FUT8: variants seen among roughly 807,000 people sequenced by gnomAD.
The protein encoded by FUT8 is alpha-(1,6)-fucosyltransferase.
In FUT8, 29 loss-of-function variants were observed where a neutral mutation model predicts 71.3. The observed-to-expected ratio is 0.41, with a 90% CI of 0.30 to 0.55. The LOEUF (loss-of-function observed/expected upper bound fraction) is 0.55, where lower values mean the gene tolerates loss of function less well. Among genes scored for constraint, FUT8 ranks in the 20% least tolerant of loss-of-function variants. The pLI, the probability that FUT8 is intolerant of heterozygous loss-of-function variation, is 0.34. For missense variants in FUT8, 544 were observed against 702.1 expected (o/e 0.77, Z 2.55); for synonymous variants, 254 against 239.3 (o/e 1.06, Z -0.57).
the FUT8 span, among the ~76,000 whole-genome samples, chr14:65,371,807 C>A: frequency 3.9e-5 from 6 of 152,242 alleles, no homozygotes; most frequent in East Asian, 1.2e-3. Flanking sequence ...CCCTAGTGAA[C>A]AATTAAGTTT....
the FUT8 span, among the ~76,000 whole-genome samples, chr14:65,393,935 G>A: frequency 7.2e-5 from 11 of 152,198 alleles, no homozygotes; most frequent in Non-Finnish European, 1.5e-4. Context: ...TGAGAGCCAA[G>A]TGAAAGGGGG....
rs528318663 is a variant in FUT8 at position 65,446,665 on chromosome 14, A to T, written c.-325-8956A>T. Among the ~76,000 whole-genome samples, 23 of 133,796 alleles carry T rather than the reference A, an allele frequency of 1.7e-4. No individual in the cohort carries two copies. The South Asian group carries it at 5.0e-3, about 29-fold the overall frequency. The allele number at this position is 133,796 out of a possible 152,430, so 87.8% of individuals were successfully genotyped here. A position where few individuals can be genotyped will look rare whatever the true frequency, so the allele number is the denominator to read the frequency against. On this transcript the variant is annotated intron_variant, in intron 1 of 10. Transcript: ENST00000673929. ...GAAATTGTTACATCTAAACCTGTGA[A>T]GATGTTTTAGGGCTTTTTTTTTTTT...
intron 7 of FUT8, among the ~76,000 whole-genome samples, chr14:65,677,814 C>T (rs1441801688): frequency 6.6e-6 from 1 of 152,136 alleles, no homozygotes; most frequent in East Asian, 1.9e-4. Context: ...GAGACCCATA[C>T]ATCTGTAAAT....
chr14:65,425,084 AATTCAAACC>A (rs1408497320), intron 1 of FUT8, among the ~76,000 whole-genome samples: 1 of 152,210 alleles, frequency 6.6e-6, no homozygotes, highest in African/African-American at 2.4e-5. Flanking sequence ...GGACCCTCAA[AATTCAAACC>A]TGTGTTGTTC....
chr14:65,520,648 A>G (rs868251338), intron 2 of FUT8, among the ~76,000 whole-genome samples: 6 of 152,170 alleles, frequency 3.9e-5, no homozygotes, highest in Middle Eastern at 6.8e-3. Context: ...AGATCATTTT[A>G]GTGTAGTTAC....
chr14:65,363,234 GC>G, the FUT8 span, among the ~76,000 whole-genome samples: 5 of 51,324 alleles, frequency 9.7e-5, no homozygotes, highest in South Asian at 2.4e-3. Context: ...CGATTCTCAT[GC>G]CTCAGCCTCC....
At chr14:65,573,736 A>G (rs970971616) in intron 3 of FUT8, among the ~76,000 whole-genome samples, 4 of 92,674 alleles carry the variant, frequency 4.3e-5, no homozygotes, top group Non-Finnish European at 7.0e-5. Context: ...CCCCATGTCT[A>G]AAAAAAAAAA....
At chr14:65,458,859 G>A (rs970811415) in intron 2 of FUT8, among the ~76,000 whole-genome samples, 5 of 143,548 alleles carry the variant, frequency 3.5e-5, no homozygotes, top group Admixed American at 1.5e-4. Flanking sequence ...CTCAATTTCC[G>A]CTCACTGCAA....
chr14:65,695,171 A>G (rs578018824), intron 7 of FUT8, among the ~76,000 whole-genome samples: 45 of 152,330 alleles, frequency 3.0e-4, no homozygotes, highest in African/African-American at 1.0e-3. Context: ...TCTATAAATC[A>G]ATTAGATTGA....
the FUT8 span, among the ~76,000 whole-genome samples, chr14:65,393,333 A>G: frequency 6.6e-6 from 1 of 152,216 alleles, no homozygotes; most frequent in African/African-American, 2.4e-5. Flanking sequence ...AGAAGGACCC[A>G]AAGAGATTCT....
Position 65,607,920 on chromosome 14 carries a change from C to G in FUT8, c.204-8058C>G, listed in dbSNP as rs1187526558. On this transcript the variant is annotated intron_variant, in intron 3 of 10. Transcript: ENST00000673929. This position sits in a 1 kb window ranked among gnomAD's most constrained non-coding sequence, Gnocchi z 4.1. ...TCTACGAAAAATACAAAAAAATTAG[C>G]TGGGTGTGGCGGCGCATGCCTGTAA... 6.6e-6 allele frequency among the ~76,000 whole-genome samples: 1 copy of G among 151,668 alleles called. No individual in the cohort carries two copies. Among genetic ancestry groups the G allele is most frequent in the Non-Finnish European group, 1.5e-5 (1 of 67,858 alleles).
rs574112313 is a variant in FUT8, at chr14:65,649,107, A to G, written c.597+19501A>G. ...GTATAAACATTGTTCATTGTTAAAC[A>G]AAATATATCACCTATAAACATCTGA... On this transcript the variant is annotated intron_variant, in intron 6 of 10. Transcript: ENST00000673929. Among the ~76,000 whole-genome samples the G allele has an allele frequency of 2.6e-5, 4 of 152,318 alleles. No individual in the cohort carries two copies. In the South Asian group the frequency reaches 8.3e-4, roughly 32 times the overall value.
intron 2 of FUT8, among the ~76,000 whole-genome samples, chr14:65,477,781 T>A (rs1183413963): frequency 6.6e-6 from 1 of 152,118 alleles, no homozygotes; most frequent in Non-Finnish European, 1.5e-5. Flanking sequence ...GGTAAGTTTG[T>A]CTCATTTGGT....
chr14:65,599,630 C>G (rs1888195598), intron 3 of FUT8, among the ~76,000 whole-genome samples: 1 of 152,176 alleles, frequency 6.6e-6, no homozygotes, highest in Non-Finnish European at 1.5e-5. Flanking sequence ...TCTAGAGATA[C>G]TCTTTGGTAT....
Position 65,603,596 on chromosome 14 carries a change from C to T in FUT8, c.204-12382C>T, listed in dbSNP as rs1024614095. On this transcript the variant is annotated intron_variant, in intron 3 of 10. Transcript: ENST00000673929. This position sits in a 1 kb window ranked among gnomAD's most constrained non-coding sequence, Gnocchi z 4.5. ...GCAATTTTCACAATGACCATAAGCT[C>T]ATTTTCTAATTGAGCTTCTTTGGAT... Among the ~76,000 whole-genome samples the T allele has an allele frequency of 6.6e-6, 1 of 151,658 alleles. No individual in the cohort carries two copies. The highest frequency in any genetic ancestry group is 2.4e-5 in the African/African-American group (1 of 41,320).
intron 1 of FUT8, among the ~76,000 whole-genome samples, chr14:65,419,536 T>G (rs748502290): frequency 1.3e-5 from 2 of 152,224 alleles, no homozygotes; most frequent in Non-Finnish European, 2.9e-5. Context: ...TACTGGTACC[T>G]GAAGGAGAAA....
At chr14:65,735,734 T>C (rs1198385446) in intron 10 of FUT8, among the ~76,000 whole-genome samples, 1 of 152,186 alleles carries the variant, frequency 6.6e-6, no homozygotes, top group Non-Finnish European at 1.5e-5. Context: ...CTAACCGCTG[T>C]AGCATTTGAA....
At chr14:65,557,814 CA>C (rs1349559136) in intron 2 of FUT8, among the ~76,000 whole-genome samples, 1 of 152,046 alleles carries the variant, frequency 6.6e-6, no homozygotes, top group Non-Finnish European at 1.5e-5. Flanking sequence ...TCTCAACAAA[CA>C]CTGCTATATA....
upstream of FUT8, chr14:65,412,408 C>A (rs1461416960): frequency 2.2e-6 from 1 of 445,352 alleles, no homozygotes; most frequent in East Asian, 7.0e-5. Context: ...GCACAGCATT[C>A]TCTGGAGGCG....
Sources: gnomAD v4.1 joint callset for allele counts (sites outside exome capture counted in the v4.1 genomes callset) on GRCh38, gnomAD v4.1.1 for gene constraint, Gnocchi (gnomAD v3.1) non-coding constraint, MANE v1.5 for transcripts, NCBI Gene and HGNC (gene_info 2026-07-23, HGNC 2026-07-21) for gene names.